The following ANKFN1 variants were observed in gnomAD, a reference collection of about 807,000 sequenced individuals.
ANKFN1 encodes the protein ankyrin repeat and fibronectin type III domain containing 1.
A neutral mutation model predicts 108.7 loss-of-function variants in ANKFN1; 74 were observed. That is an observed-to-expected ratio of 0.68 (90% CI 0.56 to 0.83). ANKFN1 has a LOEUF of 0.83. Among genes scored for constraint, ANKFN1 ranks in the 40% least tolerant of loss-of-function variants. The probability of loss-of-function intolerance (pLI) is 0.00; values close to 1 mark genes in which losing one functional copy is unlikely to be tolerated. For synonymous variants in ANKFN1, 547 were observed against 516.2 expected, an observed-to-expected ratio of 1.06 and a Z score of -0.81; for missense variants, 1,505 against 1,382.3, an observed-to-expected ratio of 1.09 and a Z score of -1.41.
At chr17:56,424,918 G>C (rs1276006792) in intron 8 of ANKFN1, among the ~76,000 whole-genome samples, 3 of 152,098 alleles carry the variant, frequency 2.0e-5, no homozygotes, top group African/African-American at 7.2e-5. Flanking sequence ...CAACTCTGAG[G>C]TTTCAAATGT....
intron 2 of ANKFN1, among the ~76,000 whole-genome samples, chr17:56,225,525 C>T (rs1916204788): frequency 6.6e-6 from 1 of 152,108 alleles, no homozygotes; most frequent in African/African-American, 2.4e-5. Flanking sequence ...TCCCTCCAAC[C>T]AGACAGAGGT....
At chr17:56,225,603 TA>T (rs1282123758) in intron 2 of ANKFN1, among the ~76,000 whole-genome samples, 23 of 152,208 alleles carry the variant, frequency 1.5e-4, no homozygotes, top group African/African-American at 5.5e-4. Context: ...AGGCACTCAA[TA>T]AGCATTCAGT....
At chr17:56,148,697 T>G (rs957335707), upstream of ANKFN1, among the ~76,000 whole-genome samples, 2 of 152,204 alleles carry the variant, frequency 1.3e-5, no homozygotes, top group African/African-American at 4.8e-5. Context: ...TTTTGATAAA[T>G]TCTTAAAAGT....
At chr17:56,268,731 A>G (rs1337208384) in intron 3 of ANKFN1, among the ~76,000 whole-genome samples, 1 of 152,174 alleles carries the variant, frequency 6.6e-6, no homozygotes, top group Non-Finnish European at 1.5e-5. Context: ...TTGTTTCCAC[A>G]GACAAGACTG....
At chr17:56,055,473 T>C (rs9898414) in intron 4 of ANKFN1, among the ~76,000 whole-genome samples, 94,229 of 143,066 alleles carry the variant, frequency 0.66, 32,337 homozygotes, top group Non-Finnish European at 0.78. Flanking sequence ...TTCCATTATG[T>C]CTGTGTGTAT....
chr17:56,082,304 T>C (rs1905256958), intron 4 of ANKFN1, among the ~76,000 whole-genome samples: 1 of 151,968 alleles, frequency 6.6e-6, no homozygotes, highest in Non-Finnish European at 1.5e-5. Flanking sequence ...TTTTTGTTTT[T>C]GTTTTTGTTT....
At position 56,389,638 on chromosome 17, in the gene ANKFN1, T is replaced by G. The variant is rs77512283; in HGVS notation, c.910+14924T>G. Among the ~76,000 whole-genome samples, 483 of 152,300 alleles carry G rather than the reference T, an allele frequency of 3.2e-3. 1 individual carries two copies. The highest frequency in any genetic ancestry group is 0.011 in the African/African-American group (447 of 41,556). On this transcript the variant is annotated intron_variant, in intron 8 of 20. Coordinates refer to ENST00000682825, the MANE Select transcript of ANKFN1 (RefSeq NM_001370326.1). ...AAGTGTATCTGGTATTTCAAAAAAT[T>G]GTGTAAGTTAGCTAGAGACAAACAC... is the stretch of plus-strand genomic sequence containing the variant.
At chr17:56,318,579 A>T (rs2045274485) in intron 3 of ANKFN1, among the ~76,000 whole-genome samples, 1 of 152,172 alleles carries the variant, frequency 6.6e-6, no homozygotes, top group Admixed American at 6.5e-5. Context: ...AACTCTAATG[A>T]AGTTAGGCTG....
rs2050740983 is a variant in ANKFN1, at chr17:56,482,409, G to A, written c.2145G>A (p.Val715=). Residue 715 remains valine (V), a synonymous_variant, in exon 18 of 21, where the codon GTG becomes GTA. Transcript: ENST00000682825. ...AGGTGTTGGAAATGGGTCACAATGT[G>A]TCCTTTCTTCTCCTGCTCCCTGCCT... The part of the protein sequence containing the change: ...TQEVLEMGHN[V]SFLLLLPASD... 2 of 1,613,282 alleles carry A rather than the reference G, an allele frequency of 1.2e-6. No homozygotes were observed. The highest frequency in any genetic ancestry group is 1.7e-5 in the Admixed American group (1 of 59,924).
chr17:56,147,213 C>T (rs905677258), intron 4 of ANKFN1, among the ~76,000 whole-genome samples: 4 of 152,190 alleles, frequency 2.6e-5, no homozygotes, highest in Non-Finnish European at 5.9e-5. Flanking sequence ...AAGTTCCAAA[C>T]CTTCCCACAT....
At chr17:56,482,560 A>G in intron 18 of ANKFN1, 36 bp downstream of exon 18, 3 of 1,596,780 alleles carry the variant, frequency 1.9e-6, no homozygotes, top group Non-Finnish European at 2.6e-6. Context: ...ATATTAACCC[A>G]GCCTCCTTAT....
chr17:56,122,010 C>T (rs1906655905), intron 4 of ANKFN1, among the ~76,000 whole-genome samples: 3 of 152,136 alleles, frequency 2.0e-5, no homozygotes. Flanking sequence ...TGCTTTATAA[C>T]TGACAAACAT....
chr17:56,048,037 C>T (rs1396742390), intron 4 of ANKFN1, among the ~76,000 whole-genome samples: 1 of 152,170 alleles, frequency 6.6e-6, no homozygotes, highest in African/African-American at 2.4e-5. Context: ...AATCTTTGTC[C>T]ATGTATACAT....
intron 4 of ANKFN1, among the ~76,000 whole-genome samples, chr17:56,085,770 A>G (rs1279137701): frequency 5.3e-5 from 8 of 151,314 alleles, no homozygotes; most frequent in African/African-American, 1.9e-4. Flanking sequence ...CTTTCTGCTC[A>G]GGTTACCATG....
At chr17:56,141,923 C>CTGTT (rs1294074019) in intron 4 of ANKFN1, among the ~76,000 whole-genome samples, 29 of 95,678 alleles carry the variant, frequency 3.0e-4, no homozygotes, top group African/African-American at 1.3e-3. Context: ...CGATGGTGTA[C>CTGTT]TTTTTTTTTT....
intron 4 of ANKFN1, among the ~76,000 whole-genome samples, chr17:56,100,715 T>A (rs1905629650): frequency 6.6e-6 from 1 of 152,194 alleles, no homozygotes; most frequent in Non-Finnish European, 1.5e-5. Context: ...CAAGCCAAGC[T>A]TTCCAGCTGA....
At chr17:56,463,857 T>C (rs2049992476) in intron 14 of ANKFN1, 1 of 152,266 alleles carries the variant, frequency 6.6e-6, no homozygotes, top group Admixed American at 6.5e-5. Context: ...TTCCTTCACC[T>C]TCCCATGTCC....
intron 8 of ANKFN1, among the ~76,000 whole-genome samples, chr17:56,377,335 T>A (rs1017159660): frequency 2.0e-5 from 3 of 152,210 alleles, no homozygotes; most frequent in Non-Finnish European, 4.4e-5. Context: ...CTTTTTAAGT[T>A]TTCTTCACAC....
In ANKFN1 at chr17:56,380,083, A is replaced by T. The variant is rs1397866560; in HGVS notation, c.910+5369A>T. ...ATCATATTCCTAAATTAATTTGGGG[A>T]GAATCTCATCCATGAGCTGTCTTCC... On this transcript the variant is annotated intron_variant, in intron 8 of 20. Transcript: ENST00000682825. Among the ~76,000 whole-genome samples the T allele has an allele frequency of 2.0e-5, 3 of 152,188 alleles. No individual in the cohort carries two copies. In the East Asian group the frequency reaches 5.8e-4, roughly 29 times the overall value.
Sources: allele counts gnomAD v4.1 joint callset (sites outside exome capture counted in the v4.1 genomes callset), GRCh38; gene constraint gnomAD v4.1.1; transcripts MANE v1.5; gene names NCBI Gene and HGNC (gene_info 2026-07-23, HGNC 2026-07-21).